Variants in SETBP1 observed in about 807,000 individuals in gnomAD.
The protein encoded by SETBP1 is SET-binding protein.
SETBP1 carries 9 observed loss-of-function variants against 101.0 expected under a neutral mutation model. That is an observed-to-expected ratio of 0.09 (90% CI 0.05 to 0.16). SETBP1 has a LOEUF of 0.16. Among genes scored for constraint, SETBP1 ranks in the 10% least tolerant of loss-of-function variants. The pLI, the probability that SETBP1 is intolerant of heterozygous loss-of-function variation, is 1.00. For missense variants in SETBP1, 1,858 were observed against 2,033.8 expected (o/e 0.91, Z 1.66); for synonymous variants, 818 against 788.5 (o/e 1.04, Z -0.63).
At chr18:45,003,687 G>GAAAAAAAAAA in intron 4 of SETBP1, among the ~76,000 whole-genome samples, 1 of 135,570 alleles carries the variant, frequency 7.4e-6, no homozygotes. Context: ...AATGTCATGG[G>GAAAAAAAAAA]AAAAAAAAAA....
intron 2 of SETBP1, among the ~76,000 whole-genome samples, chr18:44,844,716 C>T (rs1004367412): frequency 6.6e-6 from 1 of 151,598 alleles, no homozygotes; most frequent in African/African-American, 2.4e-5. Context: ...GTGGACAGCT[C>T]AGCAAGGCGG....
chr18:44,785,342 G>A (rs1299220296), intron 2 of SETBP1, among the ~76,000 whole-genome samples: 1 of 152,152 alleles, frequency 6.6e-6, no homozygotes, highest in Non-Finnish European at 1.5e-5. Flanking sequence ...AAGTTGCATT[G>A]CAGGTGTTTT....
At chr18:44,873,104 CAT>C (rs2308289) in intron 3 of SETBP1, among the ~76,000 whole-genome samples, 57,470 of 151,940 alleles carry the variant, frequency 0.38, 11,476 homozygotes, top group Non-Finnish European at 0.45. Flanking sequence ...AACAAGAACA[CAT>C]AGGAAAACAT....
intron 4 of SETBP1, among the ~76,000 whole-genome samples, chr18:45,034,700 C>A (rs1026972610): frequency 6.6e-6 from 1 of 152,144 alleles, no homozygotes; most frequent in African/African-American, 2.4e-5. Context: ...ACTTACTGGC[C>A]TCCAAATAGG....
chr18:44,909,890 G>A (rs1043709341), intron 3 of SETBP1, among the ~76,000 whole-genome samples: 1 of 152,066 alleles, frequency 6.6e-6, no homozygotes, highest in Non-Finnish European at 1.5e-5. Context: ...GGCTATACTT[G>A]GAGAATCACA....
intron 2 of SETBP1, among the ~76,000 whole-genome samples, chr18:44,752,587 G>T (rs1043482455): frequency 6.6e-6 from 1 of 152,196 alleles, no homozygotes; most frequent in Non-Finnish European, 1.5e-5. Flanking sequence ...AAAGAAATGA[G>T]TATACTGGAC....
At chr18:44,861,564 C>T (rs1216661911) in intron 2 of SETBP1, among the ~76,000 whole-genome samples, 1 of 152,024 alleles carries the variant, frequency 6.6e-6, no homozygotes. Context: ...GAGCTCCCAA[C>T]AGTATACATA....
intron 3 of SETBP1, among the ~76,000 whole-genome samples, chr18:44,886,077 G>A (rs1436500133): frequency 1.3e-5 from 2 of 151,954 alleles, no homozygotes; most frequent in Non-Finnish European, 2.9e-5. Context: ...TCTCATGCAC[G>A]GGAAAATTAG....
chr18:44,805,478 C>T (rs987746207), intron 2 of SETBP1, among the ~76,000 whole-genome samples: 3 of 151,752 alleles, frequency 2.0e-5, no homozygotes, highest in African/African-American at 4.8e-5. Context: ...CGTCTCAAAA[C>T]CTACCAGTTA....
intron 1 of SETBP1, among the ~76,000 whole-genome samples, 151 bp from the exon 2 acceptor site, chr18:44,701,024 G>A (rs2069106652): frequency 6.6e-6 from 1 of 152,110 alleles, no homozygotes; most frequent in African/African-American, 2.4e-5. Flanking sequence ...AATCCAATTT[G>A]GGGATGTGCT....
intron 2 of SETBP1, among the ~76,000 whole-genome samples, chr18:44,848,567 G>A (rs1192188522): frequency 6.6e-6 from 1 of 152,152 alleles, no homozygotes; most frequent in African/African-American, 2.4e-5. Flanking sequence ...TTTCTCCTCT[G>A]GCATTTTAGA....
intron 2 of SETBP1, among the ~76,000 whole-genome samples, chr18:44,718,859 T>A (rs2069523504): frequency 6.6e-6 from 1 of 152,130 alleles, no homozygotes; most frequent in African/African-American, 2.4e-5. Flanking sequence ...TCGTAGTATC[T>A]CAACTAGGAC....
chr18:45,031,871 T>C (rs2073303912), intron 4 of SETBP1, among the ~76,000 whole-genome samples: 1 of 152,212 alleles, frequency 6.6e-6, no homozygotes, highest in South Asian at 2.1e-4. Flanking sequence ...GCCTGAACTC[T>C]ACCTGACAAG....
At chr18:44,882,547 T>C (rs1214050229) in intron 3 of SETBP1, among the ~76,000 whole-genome samples, 1 of 151,540 alleles carries the variant, frequency 6.6e-6, no homozygotes, top group African/African-American at 2.4e-5. Context: ...ACACCTATGA[T>C]AAAGGCCTCT....
At chr18:44,874,137 T>A (rs755750668) in intron 3 of SETBP1, among the ~76,000 whole-genome samples, 4 of 152,254 alleles carry the variant, frequency 2.6e-5, no homozygotes, top group Non-Finnish European at 5.9e-5. Flanking sequence ...CCAGTCATCA[T>A]GTTATTTCAC....
intron 2 of SETBP1, among the ~76,000 whole-genome samples, chr18:44,711,668 G>C (rs889010732): frequency 6.6e-6 from 1 of 151,136 alleles, no homozygotes; most frequent in Admixed American, 6.6e-5. Context: ...TAGTACTGCA[G>C]GTGTGCACCA....
chr18:44,999,873 A>G (rs2072581289), intron 4 of SETBP1, among the ~76,000 whole-genome samples: 1 of 152,380 alleles, frequency 6.6e-6, no homozygotes, highest in South Asian at 2.1e-4. Flanking sequence ...AGTAGTTTAC[A>G]GTCTAAGAGA....
intron 3 of SETBP1, among the ~76,000 whole-genome samples, chr18:44,937,163 G>A (rs981173226): frequency 1.3e-5 from 2 of 152,092 alleles, no homozygotes; most frequent in African/African-American, 2.4e-5. Context: ...TTTAAGATAG[G>A]CACTACTGGC....
At chr18:44,694,750 G>A (rs1263722605) in intron 1 of SETBP1, among the ~76,000 whole-genome samples, 2 of 152,218 alleles carry the variant, frequency 1.3e-5, no homozygotes, top group Non-Finnish European at 2.9e-5. Context: ...CCTCATCAGA[G>A]TGTGAGCAAA....
Sources: gnomAD v4.1 joint callset for allele counts (sites outside exome capture counted in the v4.1 genomes callset) on GRCh38, gnomAD v4.1.1 for gene constraint, MANE v1.5 for transcripts, NCBI Gene and HGNC (gene_info 2026-07-23, HGNC 2026-07-21) for gene names.